The following SLC30A10 variants were observed in gnomAD, a reference collection of about 807,000 sequenced individuals.
SLC30A10 encodes the protein solute carrier family 30 member 10, also known as calcium/manganese antiporter SLC30A10.
Under a neutral mutation model 21.7 loss-of-function variants are expected in SLC30A10, and 8 were observed. That is an observed-to-expected ratio of 0.37 (90% CI 0.22 to 0.67). SLC30A10 has a LOEUF of 0.67. Among genes scored for constraint, SLC30A10 ranks in the 30% least tolerant of loss-of-function variants. SLC30A10 has a pLI of 0.58. For synonymous variants in SLC30A10, 272 were observed against 279.4 expected, an observed-to-expected ratio of 0.97 and a Z score of 0.26; for missense variants, 521 against 642.5, an observed-to-expected ratio of 0.81 and a Z score of 2.04.
chr1:219,915,439 G>T lies in SLC30A10; in HGVS notation c.*10C>A, dbSNP rs752456727. 45 of 1,609,254 alleles carry T rather than the reference G, an allele frequency of 2.8e-5. No individual in the cohort carries two copies. Among genetic ancestry groups the T allele is most frequent in the Middle Eastern group, 1.7e-4 (1 of 6,060 alleles). On this transcript the variant is annotated 3_prime_UTR_variant, in exon 4 of 4. Transcript: ENST00000366926. Reference sequence around the variant, plus strand: ...CCTCGTCTATATGGTCTGATTATGTGAGTACCAGATTAAAAATGCGTTCTG... The same window carrying T: ...CCTCGTCTATATGGTCTGATTATGTTAGTACCAGATTAAAAATGCGTTCTG...
Position 219,915,792 on chromosome 1 carries a change from T to C in SLC30A10, c.1115A>G (p.His372Arg), listed in dbSNP as rs750711888. 1.2e-6 allele frequency: 2 copies of C among 1,614,122 alleles called. No individual in the cohort carries two copies. The highest frequency in any genetic ancestry group is 1.1e-5 in the South Asian group (1 of 91,092). ...GATGGTCACATTGTGGATTCCCGCA[T>C]GGTGGAAGATTTCTCGAATTTTTGT... ...ASTKIREIFH[H>R]AGIHNVTIQF... Residue 372 changes from histidine (H) to arginine (R), a missense_variant, in exon 4 of 4, where the codon CAT (histidine) becomes CGT (arginine). Transcript: ENST00000366926.
upstream of SLC30A10, among the ~76,000 whole-genome samples, chr1:219,930,175 C>A (rs1370108164): frequency 3.3e-4 from 48 of 145,352 alleles, no homozygotes; most frequent in Admixed American, 1.4e-3. Flanking sequence ...AACAAACAAA[C>A]AAAAAAAAAA....
chr1:219,928,701 C>T (rs1571803641), upstream of SLC30A10: 2 of 409,262 alleles, frequency 4.9e-6, no homozygotes, highest in Non-Finnish European at 8.5e-6. This position sits in a 1 kb window ranked among gnomAD's most constrained non-coding sequence, Gnocchi z 6.3. Context: ...CCCTCCCTCG[C>T]GGCCTGGGCC....
rs1659514773 is a variant in SLC30A10 at position 219,915,558 on chromosome 1, G to A, written c.1349C>T (p.Ala450Val). Residue 450 changes from alanine (A) to valine (V), a missense_variant, in exon 4 of 4, where the codon GCA (alanine) becomes GTA (valine). Ala to Val is a moderately conservative substitution (Grantham distance 64). Transcript: ENST00000366926. ...YGSDGLSRRD[A>V]REVAIEVSLD... The stretch of plus-strand genomic sequence containing the variant: ...AGACACTTCAATAGCCACTTCTCTT[G>A]CGTCTCTTCTACTGAGGCCATCACT... 1 of 1,614,130 alleles carries A rather than the reference G, an allele frequency of 6.2e-7. No homozygotes were observed. The highest frequency in any genetic ancestry group is 1.1e-5 in the South Asian group (1 of 91,090).
At chr1:219,937,386 C>T (rs1403149655) in intron 1 of SLC30A10, among the ~76,000 whole-genome samples, 1 of 146,698 alleles carries the variant, frequency 6.8e-6, no homozygotes, top group African/African-American at 2.7e-5. Flanking sequence ...GAAAAAAAAT[C>T]TTCTATTATA....
intron 1 of SLC30A10, among the ~76,000 whole-genome samples, chr1:219,946,708 C>T (rs905921537): frequency 7.9e-5 from 12 of 152,042 alleles, no homozygotes; most frequent in African/African-American, 2.4e-4. Flanking sequence ...TGTTCCTGGG[C>T]CCACCCCTGC....
chr1:219,927,043 C>T lies in SLC30A10; in HGVS notation c.703G>A (p.Ala235Thr), dbSNP rs754898166. ...TCAATCCTACCTCTGATATTCAGAG[C>T]TTCAGACTTTTTCTCTTTTTTCATC... ...DMMKKEKKSE[A>T]LNIRGVLLHV... The change falls in exon 2 of 4, where the codon GCT becomes ACT. Residue 235 changes from alanine to threonine, a missense_variant. Coordinates refer to ENST00000366926, the MANE Select transcript of SLC30A10 (RefSeq NM_018713.3). 1.3e-5 allele frequency: 21 copies of T among 1,613,400 alleles called. No individual in the cohort carries two copies. Among genetic ancestry groups the T allele is most frequent in the East Asian group, 2.2e-5 (1 of 44,870 alleles).
In SLC30A10 at chr1:219,915,801, A is replaced by T. The variant is rs1659525933; in HGVS notation, c.1106T>A (p.Ile369Asn). The T allele has an allele frequency of 6.2e-7, 1 of 1,614,086 alleles. No homozygotes were observed. The highest frequency in any genetic ancestry group is 1.3e-5 in the African/African-American group (1 of 74,934). Reference protein sequence around the residue: ...YQDASTKIREIFHHAGIHNVT... With the variant: ...YQDASTKIRENFHHAGIHNVT... ...ATTGTGGATTCCCGCATGGTGGAAG[A>T]TTTCTCGAATTTTTGTGCTGGCATC... is the stretch of plus-strand genomic sequence containing the variant. The change falls in exon 4 of 4, where the codon ATC becomes AAC. Residue 369 changes from isoleucine (I) to asparagine (N), a missense_variant. By Grantham distance (149) the Ile-to-Asn change is moderately radical (BLOSUM62 -3). Coordinates refer to ENST00000366926, the MANE Select transcript of SLC30A10 (RefSeq NM_018713.3).
intron 1 of SLC30A10, among the ~76,000 whole-genome samples, chr1:219,953,241 C>T (rs1660293162): frequency 6.6e-6 from 1 of 152,174 alleles, no homozygotes; most frequent in Non-Finnish European, 1.5e-5. Flanking sequence ...CATTCTGCCT[C>T]CGATCTAGAA....
chr1:219,928,497 C>A lies in SLC30A10; in HGVS notation c.-57G>T, dbSNP rs1182004698. On this transcript the variant is annotated 5_prime_UTR_variant, in exon 1 of 4. Coordinates refer to ENST00000366926, the MANE Select transcript of SLC30A10 (RefSeq NM_018713.3). The surrounding 1 kb of genome is among the most constrained non-coding windows in gnomAD (Gnocchi z 6.3). ...CCAGGGGAGCGCAGCCCACCCCGCG[C>A]GCAGCCACAGGTGGGGGGCGCGGCG... 2.1e-6 allele frequency: 3 copies of A among 1,441,358 alleles called. No homozygotes were observed. The highest frequency in any genetic ancestry group is 1.8e-6 in the Non-Finnish European group (2 of 1,103,244). The allele number at this position is 1,441,358 out of a possible 1,614,324, so 89.3% of individuals were successfully genotyped here. A position where few individuals can be genotyped will look rare whatever the true frequency, so the allele number is the denominator to read the frequency against.
intron 1 of SLC30A10, among the ~76,000 whole-genome samples, chr1:219,941,549 TTTCCTTCCTTCC>T (rs200512442): frequency 9.9e-6 from 1 of 101,386 alleles, no homozygotes; most frequent in Admixed American, 9.4e-5. Context: ...TCCTTCCTTC[TTTCCTTCCTTCC>T]TTCCTTCCTC....
chr1:219,945,187 G>C (rs1571811784), intron 1 of SLC30A10, among the ~76,000 whole-genome samples: 1 of 152,178 alleles, frequency 6.6e-6, no homozygotes, highest in African/African-American at 2.4e-5. Context: ...AAGGTAGGAA[G>C]GGTGGCTATG....
chr1:219,928,068 A>G lies in SLC30A10; in HGVS notation c.373T>C (p.Leu125=), dbSNP rs1659889576. The part of the protein sequence containing the change: ...LVLIVGVLGL[L]VNVVGLLIFQ... ...ATGAGCAGCCCCACCACGTTGACCA[A>G]CAGCCCCAGGACGCCGACGATGAGC... Residue 125 remains leucine, a synonymous_variant, in exon 1 of 4, where the codon TTG becomes CTG. Transcript: ENST00000366926. This position sits in a 1 kb window ranked among gnomAD's most constrained non-coding sequence, Gnocchi z 6.3. The G allele has an allele frequency of 1.3e-6, 2 of 1,591,142 alleles. No individual in the cohort carries two copies. The highest frequency in any genetic ancestry group is 1.3e-5 in the African/African-American group (1 of 74,088).
chr1:219,936,328 G>A (rs577249810), intron 1 of SLC30A10, among the ~76,000 whole-genome samples: 1 of 152,318 alleles, frequency 6.6e-6, no homozygotes, highest in South Asian at 2.1e-4. Context: ...TAATTATGAA[G>A]CCATGGACCC....
intron 1 of SLC30A10, among the ~76,000 whole-genome samples, chr1:219,937,963 G>GA (rs532813316): frequency 0.015 from 2,285 of 152,228 alleles, 43 homozygotes; most frequent in Non-Finnish European, 0.022. Flanking sequence ...CCGGAGTTCT[G>GA]ACAGTTCATG....
At chr1:219,945,319 C>A (rs1660172443) in intron 1 of SLC30A10, among the ~76,000 whole-genome samples, 1 of 152,058 alleles carries the variant, frequency 6.6e-6, no homozygotes, top group South Asian at 2.1e-4. Flanking sequence ...ATGTAAATTT[C>A]TTGGTTTGGA....
chr1:219,916,946 ATTG>A (rs909209976), intron 3 of SLC30A10, among the ~76,000 whole-genome samples: 4 of 146,264 alleles, frequency 2.7e-5, no homozygotes, highest in African/African-American at 1.0e-4. Flanking sequence ...AAATATTGCT[ATTG>A]TTATTACTAT....
chr1:219,941,688 T>TTCTC lies in SLC30A10; in HGVS notation n.81-14587_81-14584dup, dbSNP rs148839566. Among the ~76,000 whole-genome samples the TTCTC allele has an allele frequency of 2.0e-4, 27 of 134,046 alleles. 1 individual carries two copies. In the Middle Eastern group the frequency reaches 0.011, roughly 56 times the overall value. The allele number at this position is 134,046 out of a possible 152,430, so 87.9% of individuals were successfully genotyped here. On this transcript the variant is annotated intron_variant and non_coding_transcript_variant, in intron 1 of 8. Coordinates refer to the SLC30A10 transcript ENST00000484239. Reference sequence around the variant, plus strand: ...TTCCTTCCTCCCTTCCTTTCTCCCTTTCTCTCTCTCTCTCTCTCTCTCCCC... The same window carrying TTCTC: ...TTCCTTCCTCCCTTCCTTTCTCCCTTTCTCTCTCTCTCTCTCTCTCTCTCTCCCC...
chr1:219,915,896 G>A lies in SLC30A10; in HGVS notation c.1011C>T (p.Ile337=). The change falls in exon 4 of 4, where the codon ATC becomes ATT. Residue 337 remains isoleucine, a synonymous_variant. Transcript: ENST00000366926. ...TAATCTTTCCACTTACAAGTTCCCA[G>A]ATGTGCACTTCATGTACACTGCTAA... ...PGISSVHEVH[I]WELVSGKIIA... 1 of 1,614,146 alleles carries A rather than the reference G, an allele frequency of 6.2e-7. No individual in the cohort carries two copies. The highest frequency in any genetic ancestry group is 1.1e-5 in the South Asian group (1 of 91,080).
Sources: gnomAD v4.1 joint callset for allele counts (sites outside exome capture counted in the v4.1 genomes callset) on GRCh38, gnomAD v4.1.1 for gene constraint, Gnocchi (gnomAD v3.1) non-coding constraint, MANE v1.5 for transcripts, NCBI Gene and HGNC (gene_info 2026-07-23, HGNC 2026-07-21) for gene names.